CNTN5: variants seen among roughly 807,000 people sequenced by gnomAD.
CNTN5 encodes contactin-5.
CNTN5 carries 77 observed loss-of-function variants against 129.1 expected under a neutral mutation model. The observed-to-expected ratio is 0.60, with a 90% CI of 0.50 to 0.72. The LOEUF (loss-of-function observed/expected upper bound fraction) is 0.72, where lower values mean the gene tolerates loss of function less well. CNTN5 is among the 30% of genes least tolerant of loss of function. The pLI is 0.00. For synonymous variants in CNTN5, 509 were observed against 465.6 expected (o/e 1.09, Z -1.20); for missense variants, 1,478 against 1,328.8 (o/e 1.11, Z -1.75).
intron 2 of CNTN5, among the ~76,000 whole-genome samples, chr11:99,407,193 C>G (rs532757545): frequency 1.3e-5 from 2 of 150,976 alleles, no homozygotes; most frequent in African/African-American, 4.9e-5. Context: ...CTCAGAGTCT[C>G]ATGAAAAGCC....
At chr11:100,063,424 G>T (rs1292960313) in intron 10 of CNTN5, among the ~76,000 whole-genome samples, 1 of 151,906 alleles carries the variant, frequency 6.6e-6, no homozygotes, top group African/African-American at 2.4e-5. Flanking sequence ...GAGAAACTGG[G>T]CTGGCTGGCT....
rs138538813 is a variant in CNTN5 at position 99,307,627 on chromosome 11, C to G, written c.-209-17719C>G. On this transcript the variant is annotated intron_variant, in intron 1 of 24. Transcript: ENST00000524871. ...CATGATTCAATCTGTGAGCTGCTCC[C>G]CATTTGAATCAATAAAAGGCTGAGA... is the stretch of plus-strand genomic sequence containing the variant. Among the ~76,000 whole-genome samples, 36 of 152,122 alleles carry G rather than the reference C, an allele frequency of 2.4e-4. No individual in the cohort carries two copies. The East Asian group carries it at 6.6e-3, about 28-fold the overall frequency.
At chr11:99,389,746 T>C (rs866259792) in intron 2 of CNTN5, among the ~76,000 whole-genome samples, 2 of 152,162 alleles carry the variant, frequency 1.3e-5, no homozygotes, top group African/African-American at 4.8e-5. Context: ...AATAAGAAGC[T>C]GGAATTTTCC....
At chr11:99,959,673 T>C (rs2136181883) in intron 8 of CNTN5, among the ~76,000 whole-genome samples, 1 of 152,298 alleles carries the variant, frequency 6.6e-6, no homozygotes, top group South Asian at 2.1e-4. Context: ...CAAACGTCTA[T>C]ATTTTCAAAA....
intron 1 of CNTN5, among the ~76,000 whole-genome samples, chr11:99,174,254 C>T (rs926206355): frequency 5.3e-5 from 8 of 152,136 alleles, no homozygotes; most frequent in African/African-American, 1.9e-4. Flanking sequence ...TTGCCTTGGC[C>T]TCCCAAAGTG....
At chr11:99,748,167 T>C (rs1025459364) in intron 3 of CNTN5, among the ~76,000 whole-genome samples, 5 of 152,182 alleles carry the variant, frequency 3.3e-5, no homozygotes, top group South Asian at 4.1e-4. Flanking sequence ...TATTGCCCTA[T>C]GCTTCTCTTG....
chr11:100,025,465 G>A (rs1269855088), intron 9 of CNTN5, among the ~76,000 whole-genome samples: 2 of 152,158 alleles, frequency 1.3e-5, no homozygotes, highest in Admixed American at 6.5e-5. Context: ...TCCCCACTGG[G>A]GCACTGCCTA....
intron 6 of CNTN5, among the ~76,000 whole-genome samples, chr11:99,858,520 G>T (rs192895753): frequency 6.6e-6 from 1 of 151,636 alleles, no homozygotes; most frequent in Non-Finnish European, 1.5e-5. Flanking sequence ...TCCATTATAA[G>T]AATACTAACA....
intron 2 of CNTN5, among the ~76,000 whole-genome samples, chr11:99,408,421 G>GGAAAGAAAAAGAAAGAAA (rs1942198816): frequency 1.8e-5 from 1 of 55,622 alleles, no homozygotes; most frequent in Non-Finnish European, 3.6e-5. Context: ...AAGAAAGGAA[G>GGAAAGAAAAAGAAAGAAA]GAAAGAAAAA....
rs145209359 is a variant in CNTN5 at position 99,073,133 on chromosome 11, C to T, written c.-210+51863C>T. Among the ~76,000 whole-genome samples the T allele has an allele frequency of 3.5e-3, 536 of 152,086 alleles. 3 individuals carry two copies. The highest frequency in any genetic ancestry group is 0.012 in the African/African-American group (514 of 41,508). ...ATTTAGTACAATTTATTTATTCTACCATTGAGGGCATTTAGGTTGTTGATA... is the reference window on the plus strand; with the variant it reads ...ATTTAGTACAATTTATTTATTCTACTATTGAGGGCATTTAGGTTGTTGATA... On this transcript the variant is annotated intron_variant, in intron 1 of 24. Transcript: ENST00000524871.
At chr11:99,723,195 C>T (rs546559225) in intron 3 of CNTN5, among the ~76,000 whole-genome samples, 26 of 151,818 alleles carry the variant, frequency 1.7e-4, no homozygotes, top group African/African-American at 5.8e-4. Context: ...CTCCCTTCCT[C>T]CCTTCCTCCC....
chr11:99,140,053 G>A (rs1176991889), intron 1 of CNTN5, among the ~76,000 whole-genome samples: 1 of 151,804 alleles, frequency 6.6e-6, no homozygotes, highest in African/African-American at 2.4e-5. Context: ...CATTAATTTT[G>A]AATATAAAGG....
intron 3 of CNTN5, among the ~76,000 whole-genome samples, chr11:99,678,754 A>G (rs146572630): frequency 6.6e-6 from 1 of 152,178 alleles, no homozygotes; most frequent in East Asian, 1.9e-4. Flanking sequence ...TAATGCACAG[A>G]GTTCTGTGGC....
In CNTN5 at chr11:100,213,847, T is replaced by C. The variant is rs567332607; in HGVS notation, c.1885-10845T>C. ...TGAGAATCTTCCTGATTGTGAAAGA[T>C]AGTGTTAAAATGGATGCTATCACCC... On this transcript the variant is annotated intron_variant, in intron 15 of 24. Coordinates refer to ENST00000524871, the MANE Select transcript of CNTN5 (RefSeq NM_014361.4). 1.5e-3 allele frequency among the ~76,000 whole-genome samples: 228 copies of C among 152,280 alleles called. 1 individual carries two copies. The highest frequency in any genetic ancestry group is 5.1e-3 in the African/African-American group (213 of 41,572).
chr11:99,294,410 C>A (rs1044494712), intron 1 of CNTN5, among the ~76,000 whole-genome samples: 6 of 152,120 alleles, frequency 3.9e-5, no homozygotes, highest in African/African-American at 1.4e-4. Context: ...AAAGCAATCC[C>A]ATTTACAATG....
chr11:99,990,445 T>C (rs1938995343), intron 8 of CNTN5, among the ~76,000 whole-genome samples: 209 of 81,312 alleles, frequency 2.6e-3, no homozygotes, highest in African/African-American at 7.3e-3. Context: ...ATTTTTAGAA[T>C]ATATATATAT....
chr11:99,155,644 C>T (rs1860298754), intron 1 of CNTN5, among the ~76,000 whole-genome samples: 1 of 151,602 alleles, frequency 6.6e-6, no homozygotes, highest in African/African-American at 2.4e-5. Flanking sequence ...GCTAGGCTGG[C>T]ATCATTTAAC....
At chr11:99,322,519 C>T (rs1261501846) in intron 1 of CNTN5, among the ~76,000 whole-genome samples, 1 of 152,082 alleles carries the variant, frequency 6.6e-6, no homozygotes, top group Non-Finnish European at 1.5e-5. Flanking sequence ...GGGAACAGTG[C>T]TGAATACTGT....
At chr11:100,113,919 C>T (rs1945753026) in intron 13 of CNTN5, among the ~76,000 whole-genome samples, 1 of 152,050 alleles carries the variant, frequency 6.6e-6, no homozygotes, top group South Asian at 2.1e-4. Flanking sequence ...AACATAAGTA[C>T]ATTTCTAAAA....
Sources: allele counts gnomAD v4.1 joint callset (sites outside exome capture counted in the v4.1 genomes callset), GRCh38; gene constraint gnomAD v4.1.1; transcripts MANE v1.5; gene names NCBI Gene and HGNC (gene_info 2026-07-23, HGNC 2026-07-21).